MYO1E: variants seen among roughly 807,000 people sequenced by gnomAD.
MYO1E encodes the protein myosin IE, also known as unconventional myosin-Ie.
In MYO1E, 68 loss-of-function variants were observed where a neutral mutation model predicts 151.1. The ratio of observed to expected loss-of-function variants is 0.45; its 90% CI spans 0.37 to 0.55. The LOEUF (loss-of-function observed/expected upper bound fraction) is 0.55. MYO1E is among the 20% of genes least tolerant of loss of function. The pLI is 0.00. For missense variants in MYO1E, 1,363 were observed against 1,389.3 expected (o/e 0.98, Z 0.30); for synonymous variants, 601 against 501.7 (o/e 1.20, Z -2.64).
In MYO1E at chr15:59,135,490, G is replaced by GAAAGT. The variant is rs1449344425; in HGVS notation, c.*1885_*1889dup. 1 of 152,170 alleles carries GAAAGT rather than the reference G, an allele frequency of 6.6e-6. No homozygotes were observed. The highest frequency in any genetic ancestry group is 2.4e-5 in the African/African-American group (1 of 41,414). The allele number at this position is 152,170 out of a possible 1,614,324, so 9.4% of individuals were successfully genotyped here. On this transcript the variant is annotated 3_prime_UTR_variant, in exon 28 of 28. Coordinates refer to ENST00000288235, the MANE Select transcript of MYO1E (RefSeq NM_004998.4). ...CCCACTGCGGGGAGTCCATGAATGT[G>GAAAGT]AAAGTACTTTAGAGACCACTAGTGT...
intron 22 of MYO1E, among the ~76,000 whole-genome samples, chr15:59,166,759 T>A (rs1367404023): frequency 1.3e-5 from 2 of 152,126 alleles, no homozygotes; most frequent in Non-Finnish European, 2.9e-5. Flanking sequence ...CTTCTTAACT[T>A]CTCTGAGAAA....
At chr15:59,216,237 G>A (rs1240402342) in intron 10 of MYO1E, among the ~76,000 whole-genome samples, 2 of 151,582 alleles carry the variant, frequency 1.3e-5, no homozygotes, top group African/African-American at 4.9e-5. Context: ...AGGAATCTAG[G>A]GCCTCCTAGA....
At chr15:59,276,569 G>A (rs1377529764) in intron 1 of MYO1E, among the ~76,000 whole-genome samples, 2 of 152,182 alleles carry the variant, frequency 1.3e-5, no homozygotes, top group South Asian at 2.1e-4. Flanking sequence ...TCCACATTCC[G>A]TTTCTAAGGA....
intron 3 of MYO1E, among the ~76,000 whole-genome samples, chr15:59,257,390 T>C (rs2080199637): frequency 6.6e-6 from 1 of 151,818 alleles, no homozygotes; most frequent in African/African-American, 2.4e-5. Flanking sequence ...ACAGCTTGAG[T>C]CCAGGAGTTG....
At chr15:59,369,044 A>G (rs1303204373) in intron 1 of MYO1E, among the ~76,000 whole-genome samples, 3 of 152,008 alleles carry the variant, frequency 2.0e-5, no homozygotes. Context: ...GTTTTGTTGT[A>G]TTGTGTTGTT....
intron 4 of MYO1E, among the ~76,000 whole-genome samples, chr15:59,239,560 G>A (rs1174739625): frequency 7.2e-5 from 11 of 151,946 alleles, no homozygotes; most frequent in Non-Finnish European, 7.4e-5. Context: ...CTGTGTCTTT[G>A]GTTAATACTG....
At position 59,353,680 on chromosome 15, in the gene MYO1E, C is replaced by T. The variant is rs566029332; in HGVS notation, c.3+18818G>A. ...GCTGAGGCAGAAGAATCACTTGAAC[C>T]CAGGAGGTGGAGGATGCAGTGAGCT... On this transcript the variant is annotated intron_variant, in intron 1 of 27. Coordinates refer to ENST00000288235, the MANE Select transcript of MYO1E (RefSeq NM_004998.4). 1.1e-4 allele frequency among the ~76,000 whole-genome samples: 17 copies of T among 151,580 alleles called. No homozygotes were observed. In the South Asian group the frequency reaches 3.5e-3, roughly 32 times the overall value.
At chr15:59,281,092 T>C (rs2080350569) in intron 1 of MYO1E, among the ~76,000 whole-genome samples, 1 of 152,158 alleles carries the variant, frequency 6.6e-6, no homozygotes, top group Non-Finnish European at 1.5e-5. Context: ...GGTCTTTACG[T>C]AATTTCCTCT....
intron 1 of MYO1E, among the ~76,000 whole-genome samples, chr15:59,367,522 G>A (rs1001333097): frequency 3.3e-5 from 5 of 152,186 alleles, no homozygotes; most frequent in South Asian, 2.1e-4. Flanking sequence ...TTGAGATAGC[G>A]CCAAACAGTA....
chr15:59,208,654 A>G (rs2079856688), intron 14 of MYO1E, 27 bp downstream of exon 14: 1 of 1,613,598 alleles, frequency 6.2e-7, no homozygotes, highest in African/African-American at 1.3e-5. Flanking sequence ...TAAAACAGAT[A>G]GACATTAAAA....
chr15:59,207,952 C>T (rs150242372), intron 14 of MYO1E: 20 of 1,613,852 alleles, frequency 1.2e-5, no homozygotes, highest in Non-Finnish European at 1.5e-5. Flanking sequence ...AGAAGTATTC[C>T]TCAGTATTCC....
At chr15:59,228,790 C>G (rs1365110579) in intron 6 of MYO1E, among the ~76,000 whole-genome samples, 1 of 152,184 alleles carries the variant, frequency 6.6e-6, no homozygotes, top group African/African-American at 2.4e-5. Flanking sequence ...GTGACTGGAG[C>G]TGTAAACTCA....
intron 1 of MYO1E, among the ~76,000 whole-genome samples, chr15:59,302,882 T>C (rs1412373333): frequency 1.3e-5 from 2 of 152,240 alleles, no homozygotes; most frequent in Non-Finnish European, 2.9e-5. Context: ...CTGGTAAAGC[T>C]GTCTCCAGTC....
intron 1 of MYO1E, among the ~76,000 whole-genome samples, chr15:59,281,535 G>GA (rs1163632698): frequency 6.6e-6 from 1 of 151,780 alleles, no homozygotes; most frequent in African/African-American, 2.4e-5. Context: ...CTCGGCCTCC[G>GA]AGAGGGTTAG....
At chr15:59,164,765 A>T (rs1391882965) in intron 22 of MYO1E, among the ~76,000 whole-genome samples, 1 of 152,126 alleles carries the variant, frequency 6.6e-6, no homozygotes, top group African/African-American at 2.4e-5. Context: ...CTTGTCAGGA[A>T]CCTTCTCTCC....
chr15:59,320,382 G>T (rs1364076476), intron 1 of MYO1E, among the ~76,000 whole-genome samples: 1 of 151,996 alleles, frequency 6.6e-6, no homozygotes, highest in Non-Finnish European at 1.5e-5. Flanking sequence ...AAGCAAAAAA[G>T]AATAAAGCCA....
intron 1 of MYO1E, among the ~76,000 whole-genome samples, chr15:59,294,226 G>A (rs1304337840): frequency 6.6e-6 from 1 of 152,156 alleles, no homozygotes; most frequent in Non-Finnish European, 1.5e-5. Flanking sequence ...AGTCTGAGAT[G>A]GTTTGGTGTG....
chr15:59,146,305 GGTT>G (rs560368250), intron 26 of MYO1E, among the ~76,000 whole-genome samples: 235 of 152,146 alleles, frequency 1.5e-3, no homozygotes, highest in African/African-American at 5.4e-3. Flanking sequence ...TTGAGATAAT[GGTT>G]GTTTTTTGTT....
At chr15:59,258,370 T>A (rs535541730) in intron 3 of MYO1E, among the ~76,000 whole-genome samples, 1 of 152,022 alleles carries the variant, frequency 6.6e-6, no homozygotes, top group East Asian at 1.9e-4. Flanking sequence ...AACAAAAAAA[T>A]ATATATCTAG....
Sources: allele counts gnomAD v4.1 joint callset (sites outside exome capture counted in the v4.1 genomes callset), GRCh38; gene constraint gnomAD v4.1.1; transcripts MANE v1.5; gene names NCBI Gene and HGNC (gene_info 2026-07-23, HGNC 2026-07-21).